Variants in CRISPLD2 observed in about 807,000 individuals in gnomAD.
The protein encoded by CRISPLD2 is cysteine rich secretory protein LCCL domain containing 2.
Under a neutral mutation model 71.1 loss-of-function variants are expected in CRISPLD2, and 47 were observed. The ratio of observed to expected loss-of-function variants is 0.66; its 90% CI spans 0.52 to 0.84. CRISPLD2 has a LOEUF of 0.84. Ranked by LOEUF, CRISPLD2 falls within the 40% of genes least tolerant of loss-of-function variation. CRISPLD2 has a pLI of 0.00. For synonymous variants in CRISPLD2, 317 were observed against 250.1 expected, an observed-to-expected ratio of 1.27 and a Z score of -2.52; for missense variants, 830 against 651.1, an observed-to-expected ratio of 1.27 and a Z score of -2.99.
At chr16:84,854,702 G>C in intron 5 of CRISPLD2, 27 bp from the exon 6 acceptor site, 1 of 1,580,018 alleles carries the variant, frequency 6.3e-7, no homozygotes, top group Non-Finnish European at 8.7e-7. Flanking sequence ...GGTTCCCTCT[G>C]ACGGTTGTTT....
intron 8 of CRISPLD2, among the ~76,000 whole-genome samples, chr16:84,871,905 T>G (rs2071474224): frequency 6.7e-6 from 1 of 149,020 alleles, no homozygotes; most frequent in African/African-American, 2.5e-5. Context: ...AAAAAGACTA[T>G]GGTTGACCTT....
Position 84,828,706 on chromosome 16 carries a change from T to C in CRISPLD2, c.-75+8573T>C, listed in dbSNP as rs146140838. ...CCTTAAAAGTGACTTTTCTTATATA[T>C]CACCTTGGCTTGCATCGAATGCACC... On this transcript the variant is annotated intron_variant, in intron 1 of 14. Transcript: ENST00000262424. Among the ~76,000 whole-genome samples, 27 of 152,288 alleles carry C rather than the reference T, an allele frequency of 1.8e-4. 1 individual carries two copies. Among genetic ancestry groups the C allele is most frequent in the African/African-American group, 5.8e-4 (24 of 41,550 alleles).
chr16:84,867,144 C>T, intron 7 of CRISPLD2, 104 bp downstream of exon 7: 5 of 1,237,870 alleles, frequency 4.0e-6, no homozygotes, highest in Non-Finnish European at 5.7e-6. Flanking sequence ...TGCAAATCCA[C>T]AGGCAGTGGC....
Position 84,897,313 on chromosome 16 carries a change from A to C in CRISPLD2, c.1439+7950A>C, listed in dbSNP as rs1468951250. Among the ~76,000 whole-genome samples the C allele has an allele frequency of 6.7e-5, 10 of 148,490 alleles. No individual in the cohort carries two copies. The South Asian group carries it at 2.1e-3, about 32-fold the overall frequency. ...ACAAAAAAAAAAAAAAAAGCCGGGCATGGTGGCATGCACCTGTAGTCCCAG... is the reference window on the plus strand; with the variant it reads ...ACAAAAAAAAAAAAAAAAGCCGGGCCTGGTGGCATGCACCTGTAGTCCCAG... On this transcript the variant is annotated intron_variant, in intron 14 of 14. Coordinates refer to ENST00000262424, the MANE Select transcript of CRISPLD2 (RefSeq NM_031476.4).
At chr16:84,857,659 C>T (rs914235747) in intron 6 of CRISPLD2, among the ~76,000 whole-genome samples, 2 of 152,220 alleles carry the variant, frequency 1.3e-5, no homozygotes, top group African/African-American at 4.8e-5. Flanking sequence ...CCGCAGCTGT[C>T]CACTATCAGG....
intron 6 of CRISPLD2, among the ~76,000 whole-genome samples, chr16:84,858,836 A>G (rs980494762): frequency 3.0e-4 from 46 of 152,228 alleles, no homozygotes; most frequent in Admixed American, 8.5e-4. Flanking sequence ...CATACCAGGT[A>G]CCAGGAGATG....
intron 14 of CRISPLD2, among the ~76,000 whole-genome samples, chr16:84,897,068 C>T (rs959129411): frequency 6.6e-6 from 1 of 152,352 alleles, no homozygotes; most frequent in South Asian, 2.1e-4. Flanking sequence ...CCCTGGCTGG[C>T]CTCTAGGAGG....
rs141861497 is a variant in CRISPLD2, at chr16:84,906,615, C to T, written c.1467C>T (p.Ala489=). 106 of 1,613,712 alleles carry T rather than the reference C, an allele frequency of 6.6e-5. 1 individual carries two copies. The highest frequency in any genetic ancestry group is 5.2e-4 in the African/African-American group (39 of 75,030). Residue 489 remains alanine, a synonymous_variant, in exon 15 of 15, where the codon GCC becomes GCT. Coordinates refer to ENST00000262424, the MANE Select transcript of CRISPLD2 (RefSeq NM_031476.4). ...TGGGGACTCCTCGGGATGGAAAGGC[C>T]TTCCGGATCTTTGCTGTCAGGCAGT... ...ESLGTPRDGK[A]FRIFAVRQ is the part of the protein sequence containing the mutation.
At position 84,889,276 on chromosome 16, in the gene CRISPLD2, A is replaced by C; in HGVS notation, c.1352A>C (p.Asn451Thr). ...GCCGTGCACGCGGGAGTCATCAGCA[A>C]CGAGAGTGGGGGTGACGTGGACGTG... ...KTAVHAGVIS[N>T]ESGGDVDVMP... Residue 451 changes from asparagine to threonine, a missense_variant, in exon 14 of 15, where the codon AAC becomes ACC. Physicochemically the swap from Asn to Thr is moderately conservative, Grantham distance 65. Transcript: ENST00000262424. 6.2e-7 allele frequency: 1 copy of C among 1,614,108 alleles called. No homozygotes were observed. The highest frequency in any genetic ancestry group is 8.5e-7 in the Non-Finnish European group (1 of 1,180,002).
intron 2 of CRISPLD2, among the ~76,000 whole-genome samples, chr16:84,840,447 C>T (rs1483535067): frequency 6.6e-6 from 1 of 152,182 alleles, no homozygotes; most frequent in African/African-American, 2.4e-5. Context: ...GGATTCAAAG[C>T]CACCCTGTCT....
intron 1 of CRISPLD2, among the ~76,000 whole-genome samples, chr16:84,837,353 A>T (rs553477066): frequency 3.4e-4 from 51 of 151,096 alleles, no homozygotes; most frequent in African/African-American, 1.2e-3. Flanking sequence ...GAATTTCAGC[A>T]TCTCTGCTTA....
At chr16:84,900,646 G>A (rs1337184773) in intron 14 of CRISPLD2, among the ~76,000 whole-genome samples, 1 of 152,112 alleles carries the variant, frequency 6.6e-6, no homozygotes, top group African/African-American at 2.4e-5. Flanking sequence ...CTGTCAAGAT[G>A]CAAATGCACG....
chr16:84,880,487 A>T (rs886274474), intron 12 of CRISPLD2, 22 bp from the exon 13 acceptor site: 1 of 1,606,946 alleles, frequency 6.2e-7, no homozygotes, highest in Non-Finnish European at 8.5e-7. Context: ...GACCCATCAC[A>T]TAAATGCTTC....
chr16:84,876,928 T>TA (rs1056726760), intron 11 of CRISPLD2, among the ~76,000 whole-genome samples: 3 of 152,152 alleles, frequency 2.0e-5, no homozygotes, highest in African/African-American at 7.2e-5. Context: ...ACCTTGAAGA[T>TA]AAAAGCCCCT....
rs182220945 is a variant in CRISPLD2 at position 84,907,241 on chromosome 16, G to C, written c.*599G>C. The C allele has an allele frequency of 6.2e-6, 1 of 161,508 alleles. No individual in the cohort carries two copies. The highest frequency in any genetic ancestry group is 1.3e-5 in the Non-Finnish European group (1 of 74,270). The allele number at this position is 161,508 out of a possible 1,614,324, so 10.0% of individuals were successfully genotyped here. A position where few individuals can be genotyped will look rare whatever the true frequency, so the allele number is the denominator to read the frequency against. ...AGAGACCCCGGCTCCGCCCTGGCAC[G>C]TGTCCTTGCTGGCGGCCCGCCACAG... is the stretch of plus-strand genomic sequence containing the variant. On this transcript the variant is annotated 3_prime_UTR_variant, in exon 15 of 15. Coordinates refer to ENST00000262424, the MANE Select transcript of CRISPLD2 (RefSeq NM_031476.4).
rs1393457409 is a variant in CRISPLD2 at position 84,874,072 on chromosome 16, A to G, written c.1156+109A>G. 24 of 945,912 alleles carry G rather than the reference A, an allele frequency of 2.5e-5. 1 individual carries two copies. The East Asian group carries it at 5.9e-4, about 23-fold the overall frequency. The allele number at this position is 945,912 out of a possible 1,614,324, so 58.6% of individuals were successfully genotyped here. ...TTTAATGTTTATCATGCGTGTGAACATTATGGTTCTCATCATTGTCAAGCC... is the reference window on the plus strand; with the variant it reads ...TTTAATGTTTATCATGCGTGTGAACGTTATGGTTCTCATCATTGTCAAGCC... On this transcript the variant is annotated intron_variant, in intron 11 of 14. Coordinates refer to ENST00000262424, the MANE Select transcript of CRISPLD2 (RefSeq NM_031476.4).
In CRISPLD2 at chr16:84,838,526, T is replaced by C. The variant is rs1916683185; in HGVS notation, c.31T>C (p.Leu11=). Residue 11 remains leucine, a synonymous_variant, in exon 2 of 15, where the codon TTG becomes CTG. Coordinates refer to ENST00000262424, the MANE Select transcript of CRISPLD2 (RefSeq NM_031476.4). MSCVLGGVIP[L]GLLFLVCGSQ... is the part of the protein sequence containing the mutation. ...CTGCGTCCTGGGTGGTGTCATCCCCTTGGGGCTGCTGTTCCTGGTCTGCGG... is the reference window on the plus strand; with the variant it reads ...CTGCGTCCTGGGTGGTGTCATCCCCCTGGGGCTGCTGTTCCTGGTCTGCGG... The C allele has an allele frequency of 2.5e-6, 4 of 1,614,080 alleles. No homozygotes were observed. The highest frequency in any genetic ancestry group is 2.7e-5 in the African/African-American group (2 of 74,922).
At chr16:84,895,135 C>T (rs2071695095) in intron 14 of CRISPLD2, among the ~76,000 whole-genome samples, 1 of 152,152 alleles carries the variant, frequency 6.6e-6, no homozygotes, top group African/African-American at 2.4e-5. Flanking sequence ...TCCCCAACAG[C>T]CCTGCAAAGT....
chr16:84,831,138 T>A (rs1483053305), intron 1 of CRISPLD2, among the ~76,000 whole-genome samples: 3 of 152,198 alleles, frequency 2.0e-5, no homozygotes, highest in Non-Finnish European at 4.4e-5. Context: ...CCCATGGGCC[T>A]GTCAACTCAG....
Sources: gnomAD v4.1 joint callset for allele counts (sites outside exome capture counted in the v4.1 genomes callset) on GRCh38, gnomAD v4.1.1 for gene constraint, MANE v1.5 for transcripts, NCBI Gene and HGNC (gene_info 2026-07-23, HGNC 2026-07-21) for gene names.